Variants in DMXL2 observed in about 807,000 individuals in gnomAD.
DMXL2 encodes dmX-like protein 2.
A neutral mutation model predicts 331.1 loss-of-function variants in DMXL2; 103 were observed. The ratio of observed to expected loss-of-function variants is 0.31; its 90% CI spans 0.27 to 0.37. The LOEUF is 0.37. DMXL2 is among the 10% of genes least tolerant of loss of function. The probability of loss-of-function intolerance (pLI) is 1.00; values close to 1 mark genes in which losing one functional copy is unlikely to be tolerated. For missense variants in DMXL2, 3,171 were observed against 3,642.9 expected (o/e 0.87, Z 3.33); for synonymous variants, 1,281 against 1,252.1 (o/e 1.02, Z -0.49).
rs373988701 is a variant in DMXL2 at position 51,605,745 on chromosome 15, T to G, written c.87+16714A>C. ...TTTTTAGTAGAGACGGGGTTTCACC[T>G]TGTTAGCCAGGATGGTCTCGATCTC... On this transcript the variant is annotated intron_variant, in intron 1 of 43. Coordinates refer to ENST00000560891, the MANE Select transcript of DMXL2 (RefSeq NM_001378457.1). Among the ~76,000 whole-genome samples the G allele has an allele frequency of 3.0e-5, 2 of 66,356 alleles. 1 individual carries two copies. Among genetic ancestry groups the G allele is most frequent in the Non-Finnish European group, 7.3e-5 (2 of 27,540 alleles). The allele number at this position is 66,356 out of a possible 152,430, so 43.5% of individuals were successfully genotyped here.
intron 33 of DMXL2, among the ~76,000 whole-genome samples, chr15:51,462,353 G>C (rs2040202086): frequency 6.6e-6 from 1 of 151,432 alleles, no homozygotes; most frequent in South Asian, 2.1e-4. Context: ...TATTTTTTTT[G>C]AGACAGAGTT....
At chr15:51,457,719 G>A in intron 36 of DMXL2, 2 of 375,364 alleles carry the variant, frequency 5.3e-6, no homozygotes. Context: ...ACAAAAGTTT[G>A]TTGTTATCTA....
chr15:51,596,263 T>C (rs963633780), intron 1 of DMXL2, among the ~76,000 whole-genome samples: 8 of 152,210 alleles, frequency 5.3e-5, no homozygotes, highest in African/African-American at 9.6e-5. Flanking sequence ...GGGCGAAGGA[T>C]ATGAACAGAC....
chr15:51,558,379 G>C (rs759764484), intron 6 of DMXL2, among the ~76,000 whole-genome samples: 3 of 151,840 alleles, frequency 2.0e-5, no homozygotes, highest in South Asian at 2.1e-4. Flanking sequence ...AGACCCAAAG[G>C]CATCATGAAC....
intron 1 of DMXL2, among the ~76,000 whole-genome samples, chr15:51,583,053 A>G (rs2051554086): frequency 6.6e-6 from 1 of 151,054 alleles, no homozygotes; most frequent in East Asian, 1.9e-4. Context: ...CTTAGTTAAC[A>G]ATGTATCTTG....
intron 13 of DMXL2, among the ~76,000 whole-genome samples, chr15:51,529,529 A>G (rs1461696284): frequency 6.6e-6 from 1 of 152,192 alleles, no homozygotes; most frequent in Non-Finnish European, 1.5e-5. Context: ...TCTTAGACAC[A>G]TACAACCTAT....
chr15:51,457,051 A>T (rs2039686865), intron 37 of DMXL2, among the ~76,000 whole-genome samples: 1 of 152,192 alleles, frequency 6.6e-6, no homozygotes, highest in African/African-American at 2.4e-5. Context: ...ATGCACCTGT[A>T]GTCCCAGCTA....
chr15:51,581,062 A>G (rs1308400366), intron 1 of DMXL2, among the ~76,000 whole-genome samples: 1 of 152,120 alleles, frequency 6.6e-6, no homozygotes, highest in Non-Finnish European at 1.5e-5. Flanking sequence ...TGCTTTCTTT[A>G]GAGCAGGGGT....
rs753579065 is a variant in DMXL2 at position 51,474,537 on chromosome 15, T to C, written c.7020A>G (p.Lys2340=). Residue 2340 remains lysine, a synonymous_variant, in exon 28 of 44, where the codon AAA becomes AAG. Transcript: ENST00000560891. Reference sequence around the variant, plus strand: ...CAGCTTCACATAGCAAAATGTTCAGTTTTGGCTGGTCTTCATCTTGGGCTG... The same window carrying C: ...CAGCTTCACATAGCAAAATGTTCAGCTTTGGCTGGTCTTCATCTTGGGCTG... The part of the protein sequence containing the change: ...LSSAQDEDQP[K]LNILLCEAVV... 75 of 1,613,978 alleles carry C rather than the reference T, an allele frequency of 4.6e-5. No homozygotes were observed. Among genetic ancestry groups the C allele is most frequent in the Non-Finnish European group, 6.2e-5 (73 of 1,180,002 alleles).
intron 29 of DMXL2, among the ~76,000 whole-genome samples, chr15:51,470,356 C>T (rs796676273): frequency 1.1e-4 from 16 of 152,050 alleles, no homozygotes; most frequent in South Asian, 4.1e-4. Flanking sequence ...GTCTCAAACT[C>T]CTGGATGTAA....
chr15:51,480,566 T>C lies in DMXL2; in HGVS notation c.6540A>G (p.Lys2180=). The change falls in exon 24 of 44, where the codon AAA becomes AAG. Residue 2180 remains lysine (K), a synonymous_variant. Transcript: ENST00000560891. Reference sequence around the variant, plus strand: ...CCTGTTGTGATTCTTGTAGCAAAAATTTGAGTTCCATCCTTACTGAAGCCA... The same window carrying C: ...CCTGTTGTGATTCTTGTAGCAAAAACTTGAGTTCCATCCTTACTGAAGCCA... ...GGLASVRMEL[K]FLLQESQQET... 2 of 1,527,228 alleles carry C rather than the reference T, an allele frequency of 1.3e-6. No individual in the cohort carries two copies. The highest frequency in any genetic ancestry group is 1.8e-6 in the Non-Finnish European group (2 of 1,135,416). The allele number at this position is 1,527,228 out of a possible 1,614,324, so 94.6% of individuals were successfully genotyped here. A position where few individuals can be genotyped will look rare whatever the true frequency, so the allele number is the denominator to read the frequency against.
chr15:51,470,540 T>C (rs957568098), intron 29 of DMXL2, among the ~76,000 whole-genome samples: 2 of 152,146 alleles, frequency 1.3e-5, no homozygotes, highest in African/African-American at 4.8e-5. Flanking sequence ...TCAATAACTC[T>C]GAGATCTAAT....
rs1341645453 is a variant in DMXL2 at position 51,451,676 on chromosome 15, T to C, written c.8718A>G (p.Thr2906=). The C allele has an allele frequency of 2.5e-6, 4 of 1,613,188 alleles. 1 individual carries two copies. The Admixed American group carries it at 6.7e-5, about 27-fold the overall frequency. The change falls in exon 42 of 44, where the codon ACA becomes ACG. Residue 2906 remains threonine, a synonymous_variant. Transcript: ENST00000560891. ...NDNRNVCLWD[T]LISPGNSLIH... ...TGAGGCTGTTTCCGGGTGATATTAA[T>C]GTGTCCCAGAGGCAAACATTTCTTT...
In DMXL2 at chr15:51,586,407, A is replaced by G. The variant is rs1390361886; in HGVS notation, c.88-10226T>C. Among the ~76,000 whole-genome samples the G allele has an allele frequency of 5.3e-5, 8 of 152,300 alleles. No individual in the cohort carries two copies. In the South Asian group the frequency reaches 1.2e-3, roughly 24 times the overall value. On this transcript the variant is annotated intron_variant, in intron 1 of 43. Coordinates refer to ENST00000560891, the MANE Select transcript of DMXL2 (RefSeq NM_001378457.1). Reference sequence around the variant, plus strand: ...AACAAAAATCTATGGGAAGAAAAAAACAACAGAAGAAAACTTAAGAAAACG... The same window carrying G: ...AACAAAAATCTATGGGAAGAAAAAAGCAACAGAAGAAAACTTAAGAAAACG...
intron 1 of DMXL2, among the ~76,000 whole-genome samples, chr15:51,596,490 G>C (rs972380262): frequency 6.6e-6 from 1 of 152,166 alleles, no homozygotes; most frequent in African/African-American, 2.4e-5. Context: ...AAACTAGTTC[G>C]ACCATTGTGG....
At chr15:51,583,004 T>C (rs532610306) in intron 1 of DMXL2, among the ~76,000 whole-genome samples, 1 of 152,028 alleles carries the variant, frequency 6.6e-6, no homozygotes, top group South Asian at 2.1e-4. Context: ...TTAACATAAA[T>C]GGGATCATGC....
Position 51,463,417 on chromosome 15 carries a change from T to C in DMXL2, c.7888A>G (p.Ile2630Val), listed in dbSNP as rs769960537. ...CTTTTCTTAGTGAAAATATATCTAA[T>C]AAATGTCTCTTGAAGGACCTCTTGT... ...VKQEVLQETF[I>V]RYIFTKKRKQ... The change falls in exon 33 of 44, where the codon ATT becomes GTT. Residue 2630 changes from isoleucine to valine, a missense_variant. Physicochemically the swap from Ile to Val is conservative, Grantham distance 29. This residue lies in a region of DMXL2 where 766 missense variants were observed against 940.5 expected (regional missense o/e 0.81). Coordinates refer to ENST00000560891, the MANE Select transcript of DMXL2 (RefSeq NM_001378457.1). The C allele has an allele frequency of 1.9e-6, 3 of 1,592,842 alleles. No homozygotes were observed. Among genetic ancestry groups the C allele is most frequent in the African/African-American group, 1.4e-5 (1 of 73,870 alleles).
intron 37 of DMXL2, 143 bp downstream of exon 37, chr15:51,457,185 C>T: frequency 1.1e-6 from 1 of 916,940 alleles, no homozygotes; most frequent in East Asian, 2.8e-5. Context: ...ATAAAAAAGC[C>T]ACAATAAATG....
In DMXL2 at chr15:51,520,718, G is replaced by A. The variant is rs574801219; in HGVS notation, c.2437-3551C>T. On this transcript the variant is annotated intron_variant, in intron 13 of 43. Transcript: ENST00000560891. Reference sequence around the variant, plus strand: ...CTAAAAATACAAAAATTAGTTGGGCGTGGCAGTGCGCACCTGTAATCCCAG... The same window carrying A: ...CTAAAAATACAAAAATTAGTTGGGCATGGCAGTGCGCACCTGTAATCCCAG... Among the ~76,000 whole-genome samples, 9 of 152,252 alleles carry A rather than the reference G, an allele frequency of 5.9e-5. No homozygotes were observed. In the South Asian group the frequency reaches 1.5e-3, roughly 25 times the overall value.
Sources: gnomAD v4.1 joint callset for allele counts (sites outside exome capture counted in the v4.1 genomes callset) on GRCh38, gnomAD v4.1.1 for gene constraint, gnomAD v4.1.1 regional missense constraint, MANE v1.5 for transcripts, NCBI Gene and HGNC (gene_info 2026-07-23, HGNC 2026-07-21) for gene names.